The following FBN3 variants were observed in gnomAD, a reference collection of about 807,000 sequenced individuals.
The protein encoded by FBN3 is fibrillin 3, also known as fibrillin-3.
FBN3 carries 234 observed loss-of-function variants against 330.1 expected under a neutral mutation model. The ratio of observed to expected loss-of-function variants is 0.71; its 90% confidence interval spans 0.64 to 0.79. The LOEUF (loss-of-function observed/expected upper bound fraction) is 0.79. Among genes scored for constraint, FBN3 ranks in the 30% least tolerant of loss-of-function variants. FBN3 has a pLI of 0.00. For missense variants in FBN3, 3,606 were observed against 3,886.9 expected, an observed-to-expected ratio of 0.93 and a Z score of 1.92; for synonymous variants, 1,458 against 1,517.3, an observed-to-expected ratio of 0.96 and a Z score of 0.91.
In FBN3 at chr19:8,119,706, G is replaced by T. The variant is rs180748877; in HGVS notation, c.3212-684C>A. Reference sequence around the variant, plus strand: ...TTTTTGTATTTTTAGTAGAGACAGCGTTTCACCATGTTGGCCAGGCTGGTC... The same window carrying T: ...TTTTTGTATTTTTAGTAGAGACAGCTTTTCACCATGTTGGCCAGGCTGGTC... On this transcript the variant is annotated intron_variant, in intron 25 of 63. Coordinates refer to ENST00000600128, the MANE Select transcript of FBN3 (RefSeq NM_032447.5). Among the ~76,000 whole-genome samples, 3 of 150,300 alleles carry T rather than the reference G, an allele frequency of 2.0e-5. 1 individual carries two copies. Among genetic ancestry groups the T allele is most frequent in the Middle Eastern group, 6.8e-3 (2 of 292 alleles).
chr19:8,098,780 C>T (rs2082265965), intron 41 of FBN3, among the ~76,000 whole-genome samples: 1 of 152,052 alleles, frequency 6.6e-6, no homozygotes, highest in Admixed American at 6.5e-5. Context: ...CTCAATAAAA[C>T]TGTTATAAAC....
chr19:8,079,589 ATTGT>A (rs113805006), intron 59 of FBN3, among the ~76,000 whole-genome samples: 91,223 of 150,588 alleles, frequency 0.61, 29,222 homozygotes, highest in African/African-American at 0.82. Context: ...TATTCTGTTA[ATTGT>A]TTGTTTGTTT....
chr19:8,066,334 T>C lies in FBN3; in HGVS notation c.8089-74A>G, dbSNP rs1384024984. The C allele has an allele frequency of 6.2e-6, 7 of 1,135,258 alleles. No homozygotes were observed. The East Asian group carries it at 1.1e-4, about 17-fold the overall frequency. 70.3% of individuals were successfully genotyped at this position (1,135,258 alleles called of 1,614,324 possible). On this transcript the variant is annotated intron_variant, in intron 63 of 63. Coordinates refer to ENST00000600128, the MANE Select transcript of FBN3 (RefSeq NM_032447.5). ...GTGGTGTGGGTAGGGGGTCCTCGGA[T>C]TGTGGCCAAAGAGGAGATTCTGGCC...
In FBN3 at chr19:8,074,967, T is replaced by C. The variant is rs1471406083; in HGVS notation, c.7702+104A>G. ...TGGGCTGGCCTGTTCAATCTTTAGATAATTGTGCTTGTCACATCATCTTGC... is the reference window on the plus strand; with the variant it reads ...TGGGCTGGCCTGTTCAATCTTTAGACAATTGTGCTTGTCACATCATCTTGC... On this transcript the variant is annotated intron_variant, in intron 61 of 63. Transcript: ENST00000600128. 6 of 1,455,650 alleles carry C rather than the reference T, an allele frequency of 4.1e-6. No individual in the cohort carries two copies. In the East Asian group the frequency reaches 9.3e-5, roughly 23 times the overall value. 90.2% of individuals were successfully genotyped at this position (1,455,650 alleles called of 1,614,324 possible).
At chr19:8,093,898 T>C (rs1339145650) in intron 47 of FBN3, among the ~76,000 whole-genome samples, 1 of 152,016 alleles carries the variant, frequency 6.6e-6, no homozygotes, top group Admixed American at 6.6e-5. Flanking sequence ...ATCAGAGGTA[T>C]TCAGGCCAGA....
Position 8,129,966 on chromosome 19 carries a change from C to T in FBN3, c.2045-601G>A, listed in dbSNP as rs1002515921. Among the ~76,000 whole-genome samples, 5 of 151,790 alleles carry T rather than the reference C, an allele frequency of 3.3e-5. No homozygotes were observed. Among genetic ancestry groups the T allele is most frequent in the African/African-American group, 4.8e-5 (2 of 41,300 alleles). On this transcript the variant is annotated intron_variant, in intron 16 of 63. Coordinates refer to ENST00000600128, the MANE Select transcript of FBN3 (RefSeq NM_032447.5). The surrounding 1 kb of genome is among the most constrained non-coding windows in gnomAD (Gnocchi z 4.5). ...AGGCTGGAGTGCAGTGGTGCGATCT[C>T]GGCTCACTGCAACCTCCACCTCCCT...
intron 4 of FBN3, 59 bp downstream of exon 4, chr19:8,146,068 T>C: frequency 6.5e-7 from 1 of 1,529,372 alleles, no homozygotes; most frequent in South Asian, 1.2e-5. Flanking sequence ...AGGCTCCTCG[T>C]GGCAACCAGA....
At chr19:8,132,630 T>C (rs2083174706) in intron 14 of FBN3, among the ~76,000 whole-genome samples, 2 of 152,036 alleles carry the variant, frequency 1.3e-5, no homozygotes, top group African/African-American at 2.4e-5. Context: ...TAGCTGGGAT[T>C]ACAGGTGCCC....
Position 8,087,967 on chromosome 19 carries a change from T to A in FBN3, c.6497-20A>T, listed in dbSNP as rs1599306112. ...CGATGTCTGGGGAGGCCAGTGGAGG[T>A]GCCAGCTGGGTAGGGACTGAGGGCG... is the stretch of plus-strand genomic sequence containing the variant. On this transcript the variant is annotated intron_variant, in intron 52 of 63. Transcript: ENST00000600128. 1 of 1,613,754 alleles carries A rather than the reference T, an allele frequency of 6.2e-7. No individual in the cohort carries two copies.
rs1568356138 is a variant in FBN3 at position 8,075,347 on chromosome 19, CGGGGTGTTG to C, written c.7509_7517del (p.His2503_Pro2506delinsGln). ...GGTGGCATTCACAGCGGAAGCTGCC[CGGGGTGTTG>C]TGGCAGTGCCCGTGGGCACCACATG... On this transcript the variant is annotated inframe_deletion, in exon 60 of 64. Coordinates refer to ENST00000600128, the MANE Select transcript of FBN3 (RefSeq NM_032447.5). 1 of 1,614,182 alleles carries C rather than the reference CGGGGTGTTG, an allele frequency of 6.2e-7. No individual in the cohort carries two copies. The highest frequency in any genetic ancestry group is 1.7e-5 in the Admixed American group (1 of 60,022).
At position 8,100,302 on chromosome 19, in the gene FBN3, G is replaced by A. The variant is rs1386482352; in HGVS notation, c.5161+599C>T. ...GCAAAACAGTGAAAGTGTACTTAAT[G>A]CCACTGAACTGCACACTAAAAATGG... is the stretch of plus-strand genomic sequence containing the variant. On this transcript the variant is annotated intron_variant, in intron 41 of 63. Coordinates refer to ENST00000600128, the MANE Select transcript of FBN3 (RefSeq NM_032447.5). Among the ~76,000 whole-genome samples the A allele has an allele frequency of 2.0e-5, 3 of 151,806 alleles. No individual in the cohort carries two copies. In the East Asian group the frequency reaches 5.8e-4, roughly 29 times the overall value.
At position 8,121,231 on chromosome 19, in the gene FBN3, C is replaced by G. The variant is rs779926859; in HGVS notation, c.3211+27G>C. 6.4e-7 allele frequency: 1 copy of G among 1,569,920 alleles called. No individual in the cohort carries two copies. The highest frequency in any genetic ancestry group is 1.2e-5 in the South Asian group (1 of 83,882). On this transcript the variant is annotated intron_variant, in intron 25 of 63. Coordinates refer to ENST00000600128, the MANE Select transcript of FBN3 (RefSeq NM_032447.5). This position sits in a 1 kb window ranked among gnomAD's most constrained non-coding sequence, Gnocchi z 4.5. ...ATGCCCTCCCTGCCCAGGGCGCCCA[C>G]CACACCCCTGCCCGGCAGTCACCGA...
At position 8,083,263 on chromosome 19, in the gene FBN3, A is replaced by G. The variant is rs1432905806; in HGVS notation, c.7197T>C (p.Thr2399=). The G allele has an allele frequency of 6.2e-7, 1 of 1,614,012 alleles. No homozygotes were observed. The highest frequency in any genetic ancestry group is 2.2e-5 in the East Asian group (1 of 44,900). The change falls in exon 57 of 64, where the codon ACT becomes ACC. Residue 2399 remains threonine (T), a synonymous_variant. Transcript: ENST00000600128. ...HCQAGYTPDA[T]ATTCLDMDEC... ...TGGGCTCACCCAGGCAGGTAGTAGC[A>G]GTAGCATCCGGTGTGTACCCGGCCT...
At chr19:8,089,846 A>T in intron 50 of FBN3, 48 bp downstream of exon 50, 1 of 1,556,334 alleles carries the variant, frequency 6.4e-7, no homozygotes, top group Non-Finnish European at 8.7e-7. Flanking sequence ...GCGGAGATGG[A>T]TCTGGGTGGC....
chr19:8,104,106 A>G (rs920762167), intron 38 of FBN3, among the ~76,000 whole-genome samples: 7 of 148,774 alleles, frequency 4.7e-5, no homozygotes, highest in African/African-American at 1.7e-4. Flanking sequence ...GCCTGGGTGC[A>G]GAATGAGATC....
At position 8,144,882 on chromosome 19, in the gene FBN3, T is replaced by A; in HGVS notation, c.536A>T (p.Glu179Val). The A allele has an allele frequency of 6.2e-7, 1 of 1,607,176 alleles. No individual in the cohort carries two copies. Among genetic ancestry groups the A allele is most frequent in the East Asian group, 2.2e-5 (1 of 44,636 alleles). The change falls in exon 6 of 64, where the codon GAG becomes GTG. Residue 179 changes from glutamate (E) to valine (V), a missense_variant. Glu to Val is a moderately radical substitution (Grantham distance 121, BLOSUM62 -2). Coordinates refer to ENST00000600128, the MANE Select transcript of FBN3 (RefSeq NM_032447.5). Reference sequence around the variant, plus strand: ...CACCCGCGCATGCTTGGTACCTCTCTCACATTGAGGTCCCATGAAGCCATA... The same window carrying A: ...CACCCGCGCATGCTTGGTACCTCTCACACATTGAGGTCCCATGAAGCCATA... ...CVYGFMGPQC[E>V]RDYRTGPCFG... is the part of the protein sequence containing the mutation.
At position 8,147,144 on chromosome 19, in the gene FBN3, TG is replaced by T; in HGVS notation, c.209del (p.Pro70GlnfsTer45). ...CGSRFHAYCC[P>X]GWRTFPGRSQ... ...TCCTGCCAGGGAATGTCCTCCAGCC[TG>T]GACAGCAGTAGGCATGGAACCGGGA... is the stretch of plus-strand genomic sequence containing the variant. On this transcript the variant is annotated frameshift_variant, in exon 3 of 64. Coordinates refer to ENST00000600128, the MANE Select transcript of FBN3 (RefSeq NM_032447.5). LOFTEE classifies it high-confidence loss of function. 6.4e-7 allele frequency: 1 copy of T among 1,572,916 alleles called. No homozygotes were observed.
intron 6 of FBN3, among the ~76,000 whole-genome samples, chr19:8,142,897 G>A (rs1167459982): frequency 4.2e-5 from 1 of 23,588 alleles, no homozygotes; most frequent in Non-Finnish European, 9.2e-5. Flanking sequence ...CCAGAGCTTG[G>A]CCCGCCTCCA....
chr19:8,108,990 A>T (rs976807764), intron 36 of FBN3, among the ~76,000 whole-genome samples: 9 of 152,136 alleles, frequency 5.9e-5, no homozygotes, highest in African/African-American at 2.2e-4. Flanking sequence ...TGACTGACTG[A>T]GTGATCAAGT....
Sources: gnomAD v4.1 joint callset for allele counts (sites outside exome capture counted in the v4.1 genomes callset) on GRCh38, gnomAD v4.1.1 for gene constraint, Gnocchi (gnomAD v3.1) non-coding constraint, MANE v1.5 for transcripts, NCBI Gene and HGNC (gene_info 2026-07-23, HGNC 2026-07-21) for gene names.